Variants in GTF2H1 observed in about 807,000 individuals in gnomAD.
GTF2H1 encodes general transcription factor IIH subunit 1.
A neutral mutation model predicts 71.2 loss-of-function variants in GTF2H1; 16 were observed. That is an observed-to-expected ratio of 0.22 (90% CI 0.15 to 0.34). GTF2H1 has a LOEUF of 0.34. GTF2H1 is among the 10% of genes least tolerant of loss of function. The pLI is 1.00. For synonymous variants in GTF2H1, 215 were observed against 219.0 expected, an observed-to-expected ratio of 0.98 and a Z score of 0.16; for missense variants, 498 against 648.2, an observed-to-expected ratio of 0.77 and a Z score of 2.52.
At chr11:18,360,370 C>T (rs1865668070) in intron 13 of GTF2H1, among the ~76,000 whole-genome samples, 2 of 152,190 alleles carry the variant, frequency 1.3e-5, no homozygotes, top group Non-Finnish European at 2.9e-5. Flanking sequence ...TTCCGCCCAC[C>T]TCGGCCTCCC....
intron 7 of GTF2H1, among the ~76,000 whole-genome samples, chr11:18,343,003 C>T (rs1865198086): frequency 6.6e-6 from 1 of 152,116 alleles, no homozygotes; most frequent in South Asian, 2.1e-4. Flanking sequence ...CTCACTGCAA[C>T]CTCTACCTCC....
At chr11:18,361,901 T>C (rs531820993) in intron 14 of GTF2H1, among the ~76,000 whole-genome samples, 2 of 152,324 alleles carry the variant, frequency 1.3e-5, no homozygotes, top group East Asian at 3.9e-4. Context: ...ATGCCCAGCA[T>C]TTTTAGCATT....
rs76285957 is a variant in GTF2H1 at position 18,350,281 on chromosome 11, A to C, written c.1054-1600A>C. 1.8e-3 allele frequency among the ~76,000 whole-genome samples: 268 copies of C among 152,326 alleles called. 1 individual carries two copies. The highest frequency in any genetic ancestry group is 6.0e-3 in the African/African-American group (249 of 41,582). On this transcript the variant is annotated intron_variant, in intron 9 of 14. Transcript: ENST00000265963. Reference sequence around the variant, plus strand: ...TCAGGTGACCTAACAAGGCCTTGGCATAAGTTTAGGATTTGGATTGTTATG... The same window carrying C: ...TCAGGTGACCTAACAAGGCCTTGGCCTAAGTTTAGGATTTGGATTGTTATG...
chr11:18,347,941 C>T lies in GTF2H1; in HGVS notation c.1053+22C>T, dbSNP rs543538007. 2.0e-6 allele frequency: 3 copies of T among 1,481,864 alleles called. No individual in the cohort carries two copies. The African/African-American group carries it at 4.1e-5, about 20-fold the overall frequency. 91.8% of individuals were successfully genotyped at this position (1,481,864 alleles called of 1,614,324 possible). On this transcript the variant is annotated intron_variant, in intron 9 of 14. Transcript: ENST00000265963. ...AAGGGTATGGGCAAAAAAATATGAA[C>T]CATTTGGGGCTCAAGTTTCTCCAAA...
At chr11:18,362,968 G>A (rs544972908) in intron 14 of GTF2H1, among the ~76,000 whole-genome samples, 37 of 151,782 alleles carry the variant, frequency 2.4e-4, no homozygotes, top group African/African-American at 8.4e-4. Flanking sequence ...CACGCCTGGT[G>A]CCTTTTTTCT....
intron 2 of GTF2H1, among the ~76,000 whole-genome samples, chr11:18,334,196 A>G (rs1462109782): frequency 1.3e-5 from 2 of 152,080 alleles, no homozygotes; most frequent in East Asian, 1.9e-4. Context: ...TGGCTAACAC[A>G]ATGAAACCCC....
chr11:18,336,772 T>TG (rs397762610), intron 3 of GTF2H1, among the ~76,000 whole-genome samples: 5 of 151,680 alleles, frequency 3.3e-5, no homozygotes, highest in Non-Finnish European at 5.9e-5. Flanking sequence ...TTTTTTTTTT[T>TG]GAGACAGAAT....
At chr11:18,342,700 C>T (rs944096881) in intron 7 of GTF2H1, among the ~76,000 whole-genome samples, 1 of 152,142 alleles carries the variant, frequency 6.6e-6, no homozygotes, top group East Asian at 1.9e-4. Context: ...CTTAGACTTA[C>T]AACTTAGTAT....
chr11:18,346,854 C>T (rs1446753372), intron 7 of GTF2H1, among the ~76,000 whole-genome samples: 2 of 149,024 alleles, frequency 1.3e-5, no homozygotes, highest in Admixed American at 1.3e-4. Context: ...TCCTGCCTCA[C>T]TCAGCCTCCC....
At chr11:18,346,753 T>TTA (rs1865304651) in intron 7 of GTF2H1, among the ~76,000 whole-genome samples, 1 of 142,982 alleles carries the variant, frequency 7.0e-6, no homozygotes, top group East Asian at 2.0e-4. Flanking sequence ...TTTTTTTTTT[T>TTA]TTGAGACAGT....
chr11:18,353,653 T>C (rs1055228513), intron 11 of GTF2H1, among the ~76,000 whole-genome samples: 2 of 152,234 alleles, frequency 1.3e-5, no homozygotes, highest in Non-Finnish European at 2.9e-5. Flanking sequence ...TTTTCTCCGT[T>C]TTTATGAGCA....
intron 1 of GTF2H1, among the ~76,000 whole-genome samples, 182 bp downstream of exon 1, chr11:18,322,922 C>T (rs1427125572): frequency 1.3e-5 from 2 of 152,150 alleles, no homozygotes; most frequent in East Asian, 1.9e-4. Context: ...GAGGCGACCC[C>T]TAATCTACTT....
intron 3 of GTF2H1, among the ~76,000 whole-genome samples, chr11:18,337,558 T>C (rs1472446559): frequency 6.6e-6 from 1 of 152,198 alleles, no homozygotes; most frequent in East Asian, 1.9e-4. Flanking sequence ...CCAGGAGTTC[T>C]ACATCCACAG....
intron 2 of GTF2H1, among the ~76,000 whole-genome samples, chr11:18,334,932 A>G (rs1350995303): frequency 2.0e-5 from 3 of 152,170 alleles, no homozygotes; most frequent in Non-Finnish European, 4.4e-5. Flanking sequence ...TAATGTTTAT[A>G]GTTGTGGTTT....
chr11:18,346,417 C>T (rs1228799583), intron 7 of GTF2H1, among the ~76,000 whole-genome samples: 1 of 152,068 alleles, frequency 6.6e-6, no homozygotes, highest in African/African-American at 2.4e-5. Flanking sequence ...TCTTATGGTT[C>T]TCTGTGAACC....
At chr11:18,324,030 C>T (rs1376391019) in intron 1 of GTF2H1, among the ~76,000 whole-genome samples, 1 of 150,566 alleles carries the variant, frequency 6.6e-6, no homozygotes, top group Non-Finnish European at 1.5e-5. Context: ...AAGAGATGGT[C>T]TGCTATCCTC....
At chr11:18,364,340 C>T (rs1175360513) in intron 14 of GTF2H1, among the ~76,000 whole-genome samples, 1 of 152,172 alleles carries the variant, frequency 6.6e-6, no homozygotes, top group Non-Finnish European at 1.5e-5. Flanking sequence ...TCTCCATCCT[C>T]CCAGACTTGG....
At chr11:18,347,771 G>A in intron 8 of GTF2H1, 56 bp downstream of exon 8, 1 of 1,596,942 alleles carries the variant, frequency 6.3e-7, no homozygotes, top group Non-Finnish European at 8.6e-7. Flanking sequence ...TCCAGATGGA[G>A]TTGTGGTGTT....
chr11:18,347,336 C>T (rs868478561), intron 7 of GTF2H1: 17 of 295,450 alleles, frequency 5.8e-5, no homozygotes, highest in African/African-American at 1.8e-4. Context: ...AGCAACAGAG[C>T]GGGACTCCAT....
Sources: allele counts gnomAD v4.1 joint callset (sites outside exome capture counted in the v4.1 genomes callset), GRCh38; gene constraint gnomAD v4.1.1; transcripts MANE v1.5; gene names NCBI Gene and HGNC (gene_info 2026-07-23, HGNC 2026-07-21).